BMPR2: variants seen among roughly 807,000 people sequenced by gnomAD.
The protein encoded by BMPR2 is bone morphogenetic protein receptor type-2.
A neutral mutation model predicts 100.8 loss-of-function variants in BMPR2; 29 were observed. The ratio of observed to expected loss-of-function variants is 0.29; its 90% CI spans 0.21 to 0.39. BMPR2 has a LOEUF of 0.39. BMPR2 is among the 10% of genes least tolerant of loss of function. BMPR2 has a pLI of 1.00. For synonymous variants in BMPR2, 382 were observed against 442.3 expected, an observed-to-expected ratio of 0.86 and a Z score of 1.71; for missense variants, 1,011 against 1,274.5, an observed-to-expected ratio of 0.79 and a Z score of 3.15.
At chr2:202,434,933 A>ATATATATATATT (rs1483284948) in intron 1 of BMPR2, among the ~76,000 whole-genome samples, 7 of 82,024 alleles carry the variant, frequency 8.5e-5, no homozygotes, top group East Asian at 3.6e-4. Flanking sequence ...ATATATATAT[A>ATATATATATATT]TATTTATTTA....
rs1687794124 is a variant in BMPR2 at position 202,520,071 on chromosome 2, T to A, written c.853-16T>A. The stretch of plus-strand genomic sequence containing the variant: ...ATTCTACCTTTTTTTTTTTTCGCAT[T>A]TTTTCCTCTATATAGGGATCTTTAT... On this transcript the variant is annotated splice_polypyrimidine_tract_variant and intron_variant, in intron 6 of 12. Coordinates refer to ENST00000374580, the MANE Select transcript of BMPR2 (RefSeq NM_001204.7). 1.3e-6 allele frequency: 2 copies of A among 1,525,052 alleles called. No homozygotes were observed. The highest frequency in any genetic ancestry group is 2.3e-5 in the South Asian group (2 of 88,506). The allele number at this position is 1,525,052 out of a possible 1,614,324, so 94.5% of individuals were successfully genotyped here. A position where few individuals can be genotyped will look rare whatever the true frequency, so the allele number is the denominator to read the frequency against.
chr2:202,469,164 G>A (rs1202598859), intron 3 of BMPR2, among the ~76,000 whole-genome samples: 2 of 152,076 alleles, frequency 1.3e-5, no homozygotes, highest in Non-Finnish European at 2.9e-5. Flanking sequence ...CCTAGTAGCT[G>A]GGATCAGGCA....
chr2:202,474,589 G>C (rs542166548), intron 3 of BMPR2: 1 of 152,290 alleles, frequency 6.6e-6, no homozygotes, highest in South Asian at 2.1e-4. Flanking sequence ...GGCTCACTCG[G>C]CTCACTGCAA....
At chr2:202,531,026 G>C in intron 8 of BMPR2, 72 bp downstream of exon 8, 1 of 1,574,948 alleles carries the variant, frequency 6.3e-7, no homozygotes, top group Non-Finnish European at 8.7e-7. Flanking sequence ...CTACTGGCCA[G>C]GTGTGGTGGC....
At chr2:202,507,301 CTTG>C (rs1687538115) in intron 3 of BMPR2, among the ~76,000 whole-genome samples, 1 of 152,064 alleles carries the variant, frequency 6.6e-6, no homozygotes. Flanking sequence ...GGTTTTCTGA[CTTG>C]TTATCAGGGA....
chr2:202,438,634 C>T (rs1212995673), intron 1 of BMPR2, among the ~76,000 whole-genome samples: 1 of 150,438 alleles, frequency 6.6e-6, no homozygotes, highest in Admixed American at 6.6e-5. Flanking sequence ...TTAATTTTTG[C>T]TTATGATACA....
chr2:202,547,372 T>G (rs1688393739), intron 10 of BMPR2, among the ~76,000 whole-genome samples: 1 of 152,188 alleles, frequency 6.6e-6, no homozygotes, highest in Non-Finnish European at 1.5e-5. Context: ...TAGTCTGTCT[T>G]GAATTCTTTT....
At chr2:202,415,643 A>G (rs1691111789) in intron 1 of BMPR2, among the ~76,000 whole-genome samples, 1 of 152,210 alleles carries the variant, frequency 6.6e-6, no homozygotes, top group African/African-American at 2.4e-5. Flanking sequence ...TAAGAATTAT[A>G]CTAAATATGC....
rs760952403 is a variant in BMPR2 at position 202,415,630 on chromosome 2, C to T, written c.76+38080C>T. Reference sequence around the variant, plus strand: ...TTTACCATTTTGAAAATCCTAGAGCCCTTAAGAATTATACTAAATATGCTC... The same window carrying T: ...TTTACCATTTTGAAAATCCTAGAGCTCTTAAGAATTATACTAAATATGCTC... On this transcript the variant is annotated intron_variant, in intron 1 of 12. Coordinates refer to ENST00000374580, the MANE Select transcript of BMPR2 (RefSeq NM_001204.7). Among the ~76,000 whole-genome samples, 4 of 152,106 alleles carry T rather than the reference C, an allele frequency of 2.6e-5. No individual in the cohort carries two copies. The South Asian group carries it at 8.3e-4, about 32-fold the overall frequency.
At chr2:202,405,964 G>A (rs1249359302) in intron 1 of BMPR2, among the ~76,000 whole-genome samples, 4 of 152,072 alleles carry the variant, frequency 2.6e-5, no homozygotes, top group African/African-American at 9.7e-5. Flanking sequence ...TCATTTTGTA[G>A]TTGCACTTGC....
intron 3 of BMPR2, among the ~76,000 whole-genome samples, chr2:202,475,864 A>T (rs1160722237): frequency 6.6e-6 from 1 of 152,030 alleles, no homozygotes. Context: ...TAAGGTCAGG[A>T]GTTTGAGACC....
intron 1 of BMPR2, among the ~76,000 whole-genome samples, chr2:202,461,736 A>G (rs1692228386): frequency 6.6e-6 from 1 of 152,186 alleles, no homozygotes; most frequent in Non-Finnish European, 1.5e-5. Flanking sequence ...GAGAATAAGA[A>G]TTGACTGGAT....
intron 1 of BMPR2, among the ~76,000 whole-genome samples, chr2:202,462,417 C>T (rs1227256496): frequency 2.0e-5 from 3 of 151,956 alleles, no homozygotes; most frequent in African/African-American, 7.2e-5. Flanking sequence ...GACGGGGTTT[C>T]ACCATGTTGG....
At chr2:202,483,219 T>C (rs760336845) in intron 3 of BMPR2, among the ~76,000 whole-genome samples, 5 of 152,184 alleles carry the variant, frequency 3.3e-5, no homozygotes, top group Admixed American at 6.5e-5. Flanking sequence ...TTTTATGTTG[T>C]TAAGTTGTAG....
intron 3 of BMPR2, among the ~76,000 whole-genome samples, chr2:202,474,518 A>G (rs1692500797): frequency 1.3e-5 from 2 of 152,030 alleles, no homozygotes; most frequent in African/African-American, 4.8e-5. Flanking sequence ...AGACTGTGGA[A>G]AGGTTATTTT....
In BMPR2 at chr2:202,530,966, CA is replaced by C; in HGVS notation, c.1128+16del. 4 of 1,613,544 alleles carry C rather than the reference CA, an allele frequency of 2.5e-6. No homozygotes were observed. The highest frequency in any genetic ancestry group is 3.4e-6 in the Non-Finnish European group (4 of 1,179,654). ...CAGCCATAAGCGAGGTGAGTGTATACAAAAGGTATCACACTGATGTACTTTG... is the reference window on the plus strand; with the variant it reads ...CAGCCATAAGCGAGGTGAGTGTATACAAAGGTATCACACTGATGTACTTTG... On this transcript the variant is annotated intron_variant, in intron 8 of 12. Coordinates refer to ENST00000374580, the MANE Select transcript of BMPR2 (RefSeq NM_001204.7).
chr2:202,390,689 T>C (rs1321793024), intron 1 of BMPR2, among the ~76,000 whole-genome samples: 1 of 152,140 alleles, frequency 6.6e-6, no homozygotes, highest in Non-Finnish European at 1.5e-5. Flanking sequence ...TTCTTTTCAA[T>C]TTTTGCCAGA....
intron 1 of BMPR2, among the ~76,000 whole-genome samples, chr2:202,380,926 TGGCCCTGGCCCTGG>T (rs1690271992): frequency 1.7e-5 from 2 of 115,408 alleles, no homozygotes; most frequent in Non-Finnish European, 4.0e-5. Flanking sequence ...GCCCTGGCCC[TGGCCCTGGCCCTGG>T]CCCTGGCCCT....
intron 1 of BMPR2, among the ~76,000 whole-genome samples, chr2:202,450,413 T>A (rs771286890): frequency 2.6e-5 from 4 of 152,162 alleles, no homozygotes; most frequent in African/African-American, 9.6e-5. Flanking sequence ...CACCATGGGC[T>A]GGGCGAGGTG....
Sources: gnomAD v4.1 joint callset for allele counts (sites outside exome capture counted in the v4.1 genomes callset) on GRCh38, gnomAD v4.1.1 for gene constraint, MANE v1.5 for transcripts, NCBI Gene and HGNC (gene_info 2026-07-23, HGNC 2026-07-21) for gene names.